Variants in CAST observed in about 807,000 individuals in gnomAD.
The protein encoded by CAST is MIR583 host.
In CAST, 76 loss-of-function variants were observed where a neutral mutation model predicts 119.6. The ratio of observed to expected loss-of-function variants is 0.64; its 90% CI spans 0.53 to 0.77. The LOEUF (loss-of-function observed/expected upper bound fraction) is 0.77. Ranked by LOEUF, CAST falls within the 30% of genes least tolerant of loss-of-function variation. The pLI, the probability that CAST is intolerant of heterozygous loss-of-function variation, is 0.00. For missense variants in CAST, 953 were observed against 946.5 expected, an observed-to-expected ratio of 1.01 and a Z score of -0.09; for synonymous variants, 319 against 331.6, an observed-to-expected ratio of 0.96 and a Z score of 0.41.
At chr5:96,457,458 C>G in the CAST span, among the ~76,000 whole-genome samples, 3 of 152,174 alleles carry the variant, frequency 2.0e-5, no homozygotes, top group Admixed American at 6.5e-5. Flanking sequence ...GAATACAGCT[C>G]TTAGATTGAC....
At chr5:96,408,204 G>T in the CAST span, 1 of 1,577,586 alleles carries the variant, frequency 6.3e-7, no homozygotes, top group Non-Finnish European at 8.7e-7. Context: ...AAGGTGATTA[G>T]AAGCTTTCTG....
intron 19 of CAST, among the ~76,000 whole-genome samples, chr5:96,749,244 T>A (rs3756623): frequency 6.6e-6 from 1 of 152,132 alleles, no homozygotes; most frequent in Non-Finnish European, 1.5e-5. Context: ...TGCTTTTCCC[T>A]CCCTAAGCTA....
the CAST span, among the ~76,000 whole-genome samples, chr5:96,158,067 C>A: frequency 7.2e-6 from 1 of 138,900 alleles, no homozygotes; most frequent in East Asian, 2.2e-4. Flanking sequence ...CCAAAACAAA[C>A]CAGAAAACAA....
chr5:96,651,750 T>C (rs1748097194), intron 1 of CAST, among the ~76,000 whole-genome samples: 1 of 152,224 alleles, frequency 6.6e-6, no homozygotes, highest in African/African-American at 2.4e-5. Context: ...TTCTCCATTC[T>C]GTAAAATTTG....
the CAST span, among the ~76,000 whole-genome samples, chr5:96,333,534 CT>C: frequency 6.6e-6 from 1 of 152,138 alleles, no homozygotes; most frequent in Admixed American, 6.5e-5. Flanking sequence ...AACCAGCATC[CT>C]CCCTGTTCTG....
chr5:96,103,880 A>C, the CAST span, among the ~76,000 whole-genome samples: 13 of 151,420 alleles, frequency 8.6e-5, no homozygotes, highest in African/African-American at 3.2e-4. Flanking sequence ...CTGACTTTTT[A>C]ATGATTGCCA....
chr5:96,138,517 G>A, the CAST span, among the ~76,000 whole-genome samples: 1 of 151,926 alleles, frequency 6.6e-6, no homozygotes, highest in African/African-American at 2.4e-5. Context: ...GAAATACCTT[G>A]CTGGGATTCT....
intron 1 of CAST, among the ~76,000 whole-genome samples, chr5:96,607,160 C>T (rs953284120): frequency 6.6e-5 from 10 of 152,028 alleles, no homozygotes; most frequent in African/African-American, 1.9e-4. Flanking sequence ...TGGTGGTGGG[C>T]GCCTGTAGTC....
the CAST span, among the ~76,000 whole-genome samples, chr5:96,435,976 G>A: frequency 2.0e-5 from 3 of 152,188 alleles, no homozygotes; most frequent in African/African-American, 7.2e-5. Context: ...TGGACACAGT[G>A]TAACCATTTG....
At chr5:96,206,923 CT>C in the CAST span, among the ~76,000 whole-genome samples, 1 of 152,060 alleles carries the variant, frequency 6.6e-6, no homozygotes, top group Non-Finnish European at 1.5e-5. Flanking sequence ...AATATTGATT[CT>C]TCCTATCCAT....
At chr5:96,221,566 G>A in the CAST span, among the ~76,000 whole-genome samples, 1 of 151,918 alleles carries the variant, frequency 6.6e-6, no homozygotes, top group African/African-American at 2.4e-5. Context: ...GTCAAAGATT[G>A]CTATAAGAAA....
chr5:96,438,867 A>G, the CAST span, among the ~76,000 whole-genome samples: 1 of 152,212 alleles, frequency 6.6e-6, no homozygotes. Flanking sequence ...GAAAATGAAA[A>G]TAATTTTACT....
the CAST span, among the ~76,000 whole-genome samples, chr5:95,965,863 A>C: frequency 6.6e-6 from 1 of 152,234 alleles, no homozygotes; most frequent in Non-Finnish European, 1.5e-5. Context: ...ACAGGTTTTA[A>C]GTTGAATAAT....
chr5:95,999,634 G>A, the CAST span, among the ~76,000 whole-genome samples: 2 of 152,080 alleles, frequency 1.3e-5, no homozygotes, highest in Non-Finnish European at 2.9e-5. Context: ...ATGAGCCATG[G>A]CACCAAGCTT....
upstream of CAST, among the ~76,000 whole-genome samples, chr5:96,523,903 C>T (rs766229707): frequency 1.3e-5 from 2 of 152,182 alleles, no homozygotes; most frequent in African/African-American, 2.4e-5. Context: ...CAATGAATGC[C>T]ACAATTAGCT....
intron 1 of CAST, among the ~76,000 whole-genome samples, chr5:96,655,386 A>T (rs977636641): frequency 2.0e-5 from 3 of 152,164 alleles, no homozygotes; most frequent in Non-Finnish European, 4.4e-5. Flanking sequence ...AGGCAGGGAG[A>T]AGGATAGACC....
At chr5:96,424,997 GAGAAAGAAAGAAAAGAAAGAA>G in the CAST span, among the ~76,000 whole-genome samples, 2 of 100,186 alleles carry the variant, frequency 2.0e-5, no homozygotes, top group Non-Finnish European at 4.0e-5. Flanking sequence ...AAGAAAGAAA[GAGAAAGAAAGAAAAGAAAGAA>G]AGAAAGAAAG....
chr5:96,540,155 G>A (rs1045609252), intron 1 of CAST, among the ~76,000 whole-genome samples: 5 of 151,980 alleles, frequency 3.3e-5, no homozygotes, highest in African/African-American at 9.6e-5. Context: ...GCTCCACAAT[G>A]TGTTGTTTCT....
At position 96,773,829 on chromosome 5, in the gene CAST, A is replaced by C. The variant is rs77297072; in HGVS notation, c.*1213A>C. The C allele has an allele frequency of 7.3e-3, 1,108 of 152,418 alleles. 4 individuals carry two copies. The highest frequency in any genetic ancestry group is 0.011 in the Non-Finnish European group (722 of 68,008). The allele number at this position is 152,418 out of a possible 1,614,324, so 9.4% of individuals were successfully genotyped here. On this transcript the variant is annotated 3_prime_UTR_variant, in exon 32 of 32. Coordinates refer to ENST00000675179, the MANE Select transcript of CAST (RefSeq NM_001750.7). ...ATAACATAAAACAGATTGGGAATTTATTGTTTCCAAAGGGCATGGCCTTCC... is the reference window on the plus strand; with the variant it reads ...ATAACATAAAACAGATTGGGAATTTCTTGTTTCCAAAGGGCATGGCCTTCC...
Sources: allele counts gnomAD v4.1 joint callset (sites outside exome capture counted in the v4.1 genomes callset), GRCh38; gene constraint gnomAD v4.1.1; transcripts MANE v1.5; gene names NCBI Gene and HGNC (gene_info 2026-07-23, HGNC 2026-07-21).